SNCAIP: variants seen among roughly 807,000 people sequenced by gnomAD.
SNCAIP encodes synuclein alpha interacting protein, also known as synphilin-1.
Under a neutral mutation model 86.7 loss-of-function variants are expected in SNCAIP, and 43 were observed. The observed-to-expected ratio is 0.50, with a 90% CI of 0.39 to 0.64. The LOEUF is 0.64. Among genes scored for constraint, SNCAIP ranks in the 30% least tolerant of loss-of-function variants. SNCAIP has a pLI of 0.00. For missense variants in SNCAIP, 981 were observed against 1,103.1 expected (o/e 0.89, Z 1.57); for synonymous variants, 417 against 427.2 (o/e 0.98, Z 0.29).
chr5:122,398,152 G>A (rs1022958673), intron 2 of SNCAIP, among the ~76,000 whole-genome samples: 7 of 152,166 alleles, frequency 4.6e-5, no homozygotes, highest in Non-Finnish European at 7.4e-5. Context: ...GAAGGCCCAT[G>A]CTCAGTCAAG....
chr5:122,460,702 A>G (rs1332951669), intron 10 of SNCAIP, among the ~76,000 whole-genome samples: 2 of 152,188 alleles, frequency 1.3e-5, no homozygotes, highest in East Asian at 1.9e-4. Context: ...GTCCTATGTT[A>G]TATTTTCTTT....
intron 9 of SNCAIP, 86 bp from the exon 10 acceptor site, chr5:122,450,447 A>T (rs1445556606): frequency 1.1e-6 from 1 of 892,656 alleles, no homozygotes; most frequent in African/African-American, 1.6e-5. Flanking sequence ...CTTATACATT[A>T]TTAGTGTCAG....
At chr5:122,331,248 A>T (rs971951804) in intron 1 of SNCAIP, among the ~76,000 whole-genome samples, 4 of 152,210 alleles carry the variant, frequency 2.6e-5, no homozygotes, top group Admixed American at 6.5e-5. Flanking sequence ...TTTATTAAAA[A>T]TATGGTCCCT....
At chr5:122,425,619 G>A in intron 5 of SNCAIP, 88 bp downstream of exon 5, 1 of 1,092,832 alleles carries the variant, frequency 9.2e-7, no homozygotes, top group Non-Finnish European at 1.4e-6. Flanking sequence ...TTGGAAGGGA[G>A]AGAAGAGAGT....
At chr5:122,445,700 C>T (rs1782140794) in intron 8 of SNCAIP, among the ~76,000 whole-genome samples, 1 of 148,528 alleles carries the variant, frequency 6.7e-6, no homozygotes, top group African/African-American at 2.5e-5. Flanking sequence ...CAGCTGTACC[C>T]TAGAACTTAA....
chr5:122,366,191 G>A (rs1389997458), intron 1 of SNCAIP, among the ~76,000 whole-genome samples: 2 of 152,126 alleles, frequency 1.3e-5, no homozygotes, highest in East Asian at 1.9e-4. Context: ...GCAAAAGCAG[G>A]GAAGCCACCA....
At chr5:122,387,125 G>A (rs1400684053) in intron 1 of SNCAIP, among the ~76,000 whole-genome samples, 3 of 152,060 alleles carry the variant, frequency 2.0e-5, no homozygotes, top group South Asian at 2.1e-4. Context: ...ATGATGCATA[G>A]CAATAAAAAT....
intron 1 of SNCAIP, among the ~76,000 whole-genome samples, chr5:122,341,131 CT>C (rs1349419461): frequency 6.6e-6 from 1 of 152,196 alleles, no homozygotes; most frequent in Admixed American, 6.5e-5. Flanking sequence ...GAAATTTCTA[CT>C]TTATGTCTTG....
intron 1 of SNCAIP, among the ~76,000 whole-genome samples, chr5:122,351,978 A>G (rs1051666617): frequency 2.6e-5 from 4 of 152,210 alleles, no homozygotes; most frequent in African/African-American, 4.8e-5. Context: ...TGGTTCATCT[A>G]ATTACTCTGT....
At chr5:122,380,338 G>A (rs1394488038) in intron 1 of SNCAIP, among the ~76,000 whole-genome samples, 3 of 152,160 alleles carry the variant, frequency 2.0e-5, no homozygotes, top group African/African-American at 4.8e-5. Context: ...AGACGTGTTT[G>A]TAGTATTCTC....
At chr5:122,359,763 C>T (rs1761843663) in intron 1 of SNCAIP, among the ~76,000 whole-genome samples, 1 of 152,084 alleles carries the variant, frequency 6.6e-6, no homozygotes, top group Admixed American at 6.6e-5. Context: ...TTTAATAATA[C>T]ATTATGAGAG....
intron 8 of SNCAIP, among the ~76,000 whole-genome samples, chr5:122,447,456 T>A (rs1254132011): frequency 6.6e-6 from 1 of 152,166 alleles, no homozygotes; most frequent in African/African-American, 2.4e-5. Flanking sequence ...TCTCCATTCA[T>A]ACCTGAGATT....
chr5:122,346,839 A>G (rs542275633), intron 1 of SNCAIP, among the ~76,000 whole-genome samples: 1 of 151,896 alleles, frequency 6.6e-6, no homozygotes, highest in Admixed American at 6.6e-5. Context: ...TATTAAGCCA[A>G]AAAGTCTGTT....
intron 8 of SNCAIP, 103 bp downstream of exon 8, chr5:122,444,835 A>G (rs1416386991): frequency 2.0e-6 from 2 of 989,972 alleles, no homozygotes; most frequent in African/African-American, 1.6e-5. Context: ...CCAGTTGTAC[A>G]GGGAATTCCT....
At chr5:122,420,215 G>C (rs1466722756) in intron 3 of SNCAIP, among the ~76,000 whole-genome samples, 2 of 152,164 alleles carry the variant, frequency 1.3e-5, no homozygotes, top group African/African-American at 2.4e-5. Context: ...TCTGTGAAAA[G>C]ACGTGTTTTC....
At chr5:122,447,326 C>T (rs995292631) in intron 8 of SNCAIP, among the ~76,000 whole-genome samples, 1 of 152,180 alleles carries the variant, frequency 6.6e-6, no homozygotes, top group African/African-American at 2.4e-5. Flanking sequence ...TGTGGTACTT[C>T]CTTACAGCAG....
chr5:122,347,376 T>C lies in SNCAIP; in HGVS notation c.-47+35092T>C, dbSNP rs1324298849. Among the ~76,000 whole-genome samples, 6 of 151,566 alleles carry C rather than the reference T, an allele frequency of 4.0e-5. No homozygotes were observed. The East Asian group carries it at 1.2e-3, about 29-fold the overall frequency. ...TTTTTTTGACCGGTTGTAGGAGTGC[T>C]TTAGGGAGTGATTTCTTTCCTTTTT... is the stretch of plus-strand genomic sequence containing the variant. On this transcript the variant is annotated intron_variant, in intron 1 of 10. Transcript: ENST00000261368.
intron 10 of SNCAIP, among the ~76,000 whole-genome samples, 192 bp from the exon 11 acceptor site, chr5:122,463,299 A>G (rs1465423373): frequency 6.6e-6 from 1 of 152,212 alleles, no homozygotes; most frequent in East Asian, 1.9e-4. Flanking sequence ...GTGTTATTAC[A>G]TGACTATTGC....
chr5:122,442,112 C>CTTTTTTTTTTTTTTTTTTTTTTTTTTTT (rs10688988), intron 7 of SNCAIP, among the ~76,000 whole-genome samples: 1 of 65,732 alleles, frequency 1.5e-5, no homozygotes, highest in Non-Finnish European at 2.8e-5. Context: ...AAGCAGTACT[C>CTTTTTTTTTTTTTTTTTTTTTTTTTTTT]TTTTTTTTTT....
Sources: allele counts gnomAD v4.1 joint callset (sites outside exome capture counted in the v4.1 genomes callset), GRCh38; gene constraint gnomAD v4.1.1; transcripts MANE v1.5; gene names NCBI Gene and HGNC (gene_info 2026-07-23, HGNC 2026-07-21).